Variants in ZSWIM5 observed in about 807,000 individuals in gnomAD.
ZSWIM5 encodes zinc finger SWIM domain-containing protein 5.
In ZSWIM5, 55 loss-of-function variants were observed where a neutral mutation model predicts 119.6. The ratio of observed to expected loss-of-function variants is 0.46; its 90% confidence interval spans 0.37 to 0.58. ZSWIM5 has a LOEUF of 0.58. Ranked by LOEUF, ZSWIM5 falls within the 20% of genes least tolerant of loss-of-function variation. The pLI is 0.00. For synonymous variants in ZSWIM5, 537 were observed against 606.9 expected (o/e 0.88, Z 1.69); for missense variants, 1,193 against 1,512.8 (o/e 0.79, Z 3.51).
chr1:45,107,460 A>C (rs1645488268), intron 1 of ZSWIM5, among the ~76,000 whole-genome samples: 1 of 151,822 alleles, frequency 6.6e-6, no homozygotes. Context: ...AACACAGTGA[A>C]ATCCTGTCTC....
chr1:45,118,297 G>A (rs1018341882), intron 1 of ZSWIM5, among the ~76,000 whole-genome samples: 1 of 152,188 alleles, frequency 6.6e-6, no homozygotes, highest in African/African-American at 2.4e-5. Context: ...TAAGCAAAGT[G>A]AGAAAGTATT....
chr1:45,060,025 G>T, intron 3 of ZSWIM5, 74 bp downstream of exon 3: 1 of 1,548,604 alleles, frequency 6.5e-7, no homozygotes, highest in Non-Finnish European at 8.8e-7. Context: ...CATGAAGCCT[G>T]AAGTGTGGTG....
At position 45,087,732 on chromosome 1, in the gene ZSWIM5, G is replaced by A. The variant is rs542742006; in HGVS notation, c.952+149C>T. 1.8e-4 allele frequency: 118 copies of A among 643,036 alleles called. 1 individual carries two copies. In the East Asian group the frequency reaches 2.9e-3, roughly 16 times the overall value. The allele number at this position is 643,036 out of a possible 1,614,324, so 39.8% of individuals were successfully genotyped here. ...TTAAACACAGTTGTTTGGATAGAATGAAATGATTAAAGTTAAGTGATTGCA... is the reference window on the plus strand; with the variant it reads ...TTAAACACAGTTGTTTGGATAGAATAAAATGATTAAAGTTAAGTGATTGCA... On this transcript the variant is annotated intron_variant, in intron 2 of 13. Transcript: ENST00000359600.
chr1:45,139,906 G>T (rs1557777853), intron 1 of ZSWIM5, among the ~76,000 whole-genome samples: 1 of 151,526 alleles, frequency 6.6e-6, no homozygotes, highest in Admixed American at 6.6e-5. Flanking sequence ...ATATGAATTT[G>T]CACATAAAAA....
rs1330684464 is a variant in ZSWIM5 at position 45,035,763 on chromosome 1, A to C, written c.2216T>G (p.Phe739Cys). The C allele has an allele frequency of 6.2e-7, 1 of 1,613,950 alleles. No homozygotes were observed. Among genetic ancestry groups the C allele is most frequent in the Admixed American group, 1.7e-5 (1 of 60,020 alleles). ...CAGAGCTGAGAACAAATACTTGGCA[A>C]AGGTATGCATGGGAACACTCTCTCG... Reference protein sequence around the residue: ...IHRESVPMHTFAKYLFSALLP... With the variant: ...IHRESVPMHTCAKYLFSALLP... The change falls in exon 10 of 14, where the codon TTT becomes TGT. Residue 739 changes from phenylalanine to cysteine, a missense_variant. Around this residue, in one of 2 missense-constraint regions of ZSWIM5, gnomAD observed 961 missense variants for 1,290.0 expected, o/e 0.74. Coordinates refer to ENST00000359600, the MANE Select transcript of ZSWIM5 (RefSeq NM_020883.2).
rs1384288131 is a variant in ZSWIM5, at chr1:45,018,310, T to G, written c.*144A>C. On this transcript the variant is annotated 3_prime_UTR_variant, in exon 14 of 14. Coordinates refer to ENST00000359600, the MANE Select transcript of ZSWIM5 (RefSeq NM_020883.2). This position sits in a 1 kb window ranked among gnomAD's most constrained non-coding sequence, Gnocchi z 6.7. ...GGCATTATCGACTAGAGCTGGACTT[T>G]CCCCATCCTTAGCCCTGTGGTCCTT... 1 of 1,015,256 alleles carries G rather than the reference T, an allele frequency of 9.8e-7. No homozygotes were observed. Among genetic ancestry groups the G allele is most frequent in the African/African-American group, 1.6e-5 (1 of 61,942 alleles). 62.9% of individuals were successfully genotyped at this position (1,015,256 alleles called of 1,614,324 possible). A position where few individuals can be genotyped will look rare whatever the true frequency, so the allele number is the denominator to read the frequency against.
chr1:45,206,547 C>T lies in ZSWIM5; in HGVS notation c.-197G>A. On this transcript the variant is annotated 5_prime_UTR_variant, in exon 1 of 14. Transcript: ENST00000359600. ...AGCGCGCCGCGAGGGCAGACGCGGG[C>T]GGCCTGCAGGGTAGCGTGAGGCGGC... 9.9e-7 allele frequency: 1 copy of T among 1,011,764 alleles called. No homozygotes were observed. The highest frequency in any genetic ancestry group is 1.2e-6 in the Non-Finnish European group (1 of 848,624). The allele number at this position is 1,011,764 out of a possible 1,614,324, so 62.7% of individuals were successfully genotyped here.
intron 1 of ZSWIM5, among the ~76,000 whole-genome samples, chr1:45,153,282 G>A (rs1330096188): frequency 1.3e-5 from 2 of 151,796 alleles, no homozygotes; most frequent in Non-Finnish European, 2.9e-5. Context: ...AGCACTTTGG[G>A]AGGCCGAGGT....
chr1:45,059,022 A>T (rs1362415116), intron 3 of ZSWIM5, among the ~76,000 whole-genome samples: 1 of 152,230 alleles, frequency 6.6e-6, no homozygotes, highest in East Asian at 1.9e-4. Flanking sequence ...GGATGTAAAG[A>T]AATTGACACA....
chr1:45,162,147 G>A (rs992827232), intron 1 of ZSWIM5, among the ~76,000 whole-genome samples: 10 of 152,310 alleles, frequency 6.6e-5, no homozygotes, highest in African/African-American at 2.4e-4. Context: ...ATGGCTCCCA[G>A]TTATGTACAA....
chr1:45,164,900 A>G (rs1289294846), intron 1 of ZSWIM5, among the ~76,000 whole-genome samples: 3 of 152,176 alleles, frequency 2.0e-5, no homozygotes, highest in Admixed American at 1.3e-4. Flanking sequence ...AACATTAGAC[A>G]GATCAACGAG....
At chr1:45,184,059 T>C (rs1250123005) in intron 1 of ZSWIM5, among the ~76,000 whole-genome samples, 2 of 152,104 alleles carry the variant, frequency 1.3e-5, no homozygotes, top group African/African-American at 4.8e-5. Flanking sequence ...CATGATCAAG[T>C]GGGCTTCATC....
intron 1 of ZSWIM5, among the ~76,000 whole-genome samples, chr1:45,146,893 C>T (rs1221503775): frequency 6.6e-6 from 1 of 152,068 alleles, no homozygotes; most frequent in East Asian, 1.9e-4. Context: ...ATCCTTGGTC[C>T]TACATTACCC....
At chr1:45,202,848 T>A (rs1349409982) in intron 1 of ZSWIM5, among the ~76,000 whole-genome samples, 23 of 152,042 alleles carry the variant, frequency 1.5e-4, no homozygotes. Flanking sequence ...GGTCAAAATG[T>A]TAAAACCGTT....
chr1:45,139,228 C>A (rs1483433008), intron 1 of ZSWIM5, among the ~76,000 whole-genome samples: 1 of 152,072 alleles, frequency 6.6e-6, no homozygotes, highest in Non-Finnish European at 1.5e-5. Context: ...GTTACCCAGG[C>A]TGTGGTGCCA....
At chr1:45,028,624 C>T (rs1012731518) in intron 11 of ZSWIM5, among the ~76,000 whole-genome samples, 8 of 151,884 alleles carry the variant, frequency 5.3e-5, no homozygotes, top group African/African-American at 9.7e-5. Flanking sequence ...GGCATGGTGG[C>T]AGGCACCTGT....
intron 4 of ZSWIM5, 43 bp from the exon 5 acceptor site, chr1:45,051,296 ATG>A (rs1183973865): frequency 9.5e-6 from 15 of 1,574,216 alleles, no homozygotes; most frequent in Non-Finnish European, 1.2e-5. Flanking sequence ...CTCTCCTTTG[ATG>A]TGTGTGTAAG....
chr1:45,110,112 C>T (rs1645508057), intron 1 of ZSWIM5, among the ~76,000 whole-genome samples: 1 of 152,118 alleles, frequency 6.6e-6, no homozygotes, highest in Non-Finnish European at 1.5e-5. Flanking sequence ...AACAATCCTC[C>T]CACCTTGGCC....
chr1:45,020,825 A>G (rs751616931), intron 11 of ZSWIM5, 37 bp from the exon 12 acceptor site: 2 of 1,598,518 alleles, frequency 1.3e-6, no homozygotes, highest in Non-Finnish European at 1.7e-6. Flanking sequence ...GTCTATTTTA[A>G]AGTTTTACTA....
Sources: gnomAD v4.1 joint callset for allele counts (sites outside exome capture counted in the v4.1 genomes callset) on GRCh38, gnomAD v4.1.1 for gene constraint, gnomAD v4.1.1 regional missense constraint, Gnocchi (gnomAD v3.1) non-coding constraint, MANE v1.5 for transcripts, NCBI Gene and HGNC (gene_info 2026-07-23, HGNC 2026-07-21) for gene names.